Variants in ZNF362 observed in about 807,000 individuals in gnomAD.
ZNF362 encodes the protein rotund homolog.
ZNF362 carries 11 observed loss-of-function variants against 42.9 expected under a neutral mutation model. The observed-to-expected ratio is 0.26, with a 90% CI of 0.16 to 0.42. The LOEUF (loss-of-function observed/expected upper bound fraction) is 0.42. Ranked by LOEUF, ZNF362 falls within the 20% of genes least tolerant of loss-of-function variation. ZNF362 has a pLI of 1.00. For synonymous variants in ZNF362, 255 were observed against 257.3 expected, an observed-to-expected ratio of 0.99 and a Z score of 0.09; for missense variants, 362 against 576.2, an observed-to-expected ratio of 0.63 and a Z score of 3.81.
At chr1:33,148,148 A>G in the ZNF362 span, among the ~76,000 whole-genome samples, 1 of 152,162 alleles carries the variant, frequency 6.6e-6, no homozygotes. Flanking sequence ...TTGTCTTAAC[A>G]ACAGCTGGGA....
chr1:33,136,174 C>CCTTCCTTCCTTT, the ZNF362 span, among the ~76,000 whole-genome samples: 1 of 148,396 alleles, frequency 6.7e-6, no homozygotes, highest in Non-Finnish European at 1.5e-5. Context: ...TTCCTTCCTT[C>CCTTCCTTCCTTT]CCTCCCTCTC....
At chr1:33,158,987 C>T in the ZNF362 span, among the ~76,000 whole-genome samples, 2 of 152,140 alleles carry the variant, frequency 1.3e-5, no homozygotes, top group East Asian at 3.9e-4. Flanking sequence ...ACTACAGGTG[C>T]CTGCCACCAC....
chr1:33,269,610 C>T (rs550423612), intron 1 of ZNF362, among the ~76,000 whole-genome samples: 15 of 152,278 alleles, frequency 9.9e-5, no homozygotes, highest in African/African-American at 3.1e-4. Context: ...GATCATGGCT[C>T]ACTGCAGCCT....
chr1:33,235,359 C>G, the ZNF362 span, among the ~76,000 whole-genome samples: 7 of 152,090 alleles, frequency 4.6e-5, no homozygotes, highest in Non-Finnish European at 1.0e-4. Context: ...CTCTTCCTCA[C>G]GATGCCTGTA....
chr1:33,212,615 G>C, the ZNF362 span, among the ~76,000 whole-genome samples: 2 of 152,162 alleles, frequency 1.3e-5, no homozygotes, highest in Non-Finnish European at 2.9e-5. Context: ...CAAAGGGGAA[G>C]CTGGCCTATC....
At chr1:33,298,576 TG>T (rs1646141263) in intron 8 of ZNF362, among the ~76,000 whole-genome samples, 1 of 152,204 alleles carries the variant, frequency 6.6e-6, no homozygotes, top group African/African-American at 2.4e-5. Context: ...GCTGCCTCAC[TG>T]TCACTGGGAT....
the ZNF362 span, chr1:33,165,783 ACCT>A: frequency 2.3e-5 from 9 of 397,716 alleles, no homozygotes; most frequent in South Asian, 6.8e-5. The surrounding 1 kb of genome is among the most constrained non-coding windows in gnomAD (Gnocchi z 4.0). Flanking sequence ...CTTTGCAACA[ACCT>A]CCTCCTCTTT....
chr1:33,286,542 T>C (rs1480821120), intron 6 of ZNF362, among the ~76,000 whole-genome samples: 4 of 152,126 alleles, frequency 2.6e-5, no homozygotes, highest in Non-Finnish European at 4.4e-5. Flanking sequence ...GAGTTCATAA[T>C]GGCAGGAAAC....
At chr1:33,153,354 C>G in the ZNF362 span, among the ~76,000 whole-genome samples, 25 of 152,196 alleles carry the variant, frequency 1.6e-4, no homozygotes, top group Admixed American at 2.6e-4. Context: ...TCTGTTCCTC[C>G]CTCAGCTCCT....
In ZNF362 at chr1:33,276,533, A is replaced by G. The variant is rs113249490; in HGVS notation, c.288A>G (p.Pro96=). 632 of 1,530,030 alleles carry G rather than the reference A, an allele frequency of 4.1e-4. 5 individuals carry two copies. In the African/African-American group the frequency reaches 7.3e-3, roughly 18 times the overall value. The allele number at this position is 1,530,030 out of a possible 1,614,324, so 94.8% of individuals were successfully genotyped here. The change falls in exon 4 of 9, where the codon CCA becomes CCG. Residue 96 remains proline, a synonymous_variant. Transcript: ENST00000539719. ...TGCAGCAGGTGCCGGGGCTGCATCC[A>G]CAGGCGGTGCCGCAGCCCGACGTGG... ...PKLQQVPGLH[P]QAVPQPDVAL...
At chr1:33,213,704 G>C in the ZNF362 span, among the ~76,000 whole-genome samples, 34 of 152,044 alleles carry the variant, frequency 2.2e-4, 1 homozygote, top group Non-Finnish European at 7.4e-5. Flanking sequence ...AATTAACTGG[G>C]CGTGGTGGCA....
chr1:33,287,056 A>G (rs2148122322), intron 6 of ZNF362, among the ~76,000 whole-genome samples: 1 of 152,356 alleles, frequency 6.6e-6, no homozygotes, highest in Non-Finnish European at 1.5e-5. Flanking sequence ...GGAAGGCACA[A>G]GCAAAGTGAG....
chr1:33,276,207 G>T, intron 3 of ZNF362, 44 bp downstream of exon 3: 2 of 1,607,880 alleles, frequency 1.2e-6, no homozygotes, highest in Non-Finnish European at 1.7e-6. Context: ...CCTCCTTGGC[G>T]CTGCTTCGCT....
chr1:33,263,752 T>G (rs1239964662), intron 1 of ZNF362, among the ~76,000 whole-genome samples: 1 of 152,116 alleles, frequency 6.6e-6, no homozygotes, highest in South Asian at 2.1e-4. Flanking sequence ...CTATGTTGAC[T>G]GATGATGGGG....
At chr1:33,152,506 G>A in the ZNF362 span, among the ~76,000 whole-genome samples, 84 of 151,322 alleles carry the variant, frequency 5.6e-4, no homozygotes, top group East Asian at 0.016. Context: ...GGCGGAGGTT[G>A]TGGTGAGCCA....
chr1:33,154,484 T>G, the ZNF362 span, among the ~76,000 whole-genome samples: 3 of 149,554 alleles, frequency 2.0e-5, no homozygotes, highest in Non-Finnish European at 4.5e-5. Flanking sequence ...TCTTTAGATC[T>G]TTTTTTTTTC....
At chr1:33,271,853 G>A (rs995362432) in intron 2 of ZNF362, among the ~76,000 whole-genome samples, 2 of 152,204 alleles carry the variant, frequency 1.3e-5, no homozygotes, top group African/African-American at 4.8e-5. Context: ...TGTGAGCTGG[G>A]GGTGACCAGA....
intron 4 of ZNF362, among the ~76,000 whole-genome samples, chr1:33,278,710 G>T (rs1645968899): frequency 6.6e-6 from 1 of 152,140 alleles, no homozygotes; most frequent in African/African-American, 2.4e-5. Flanking sequence ...TTGAGTGTGT[G>T]TTCTTTAAAA....
chr1:33,234,631 G>T, the ZNF362 span, among the ~76,000 whole-genome samples: 2 of 152,136 alleles, frequency 1.3e-5, no homozygotes, highest in Non-Finnish European at 2.9e-5. Context: ...CCCGTTGAGC[G>T]AGAGGAAGCA....
Sources: gnomAD v4.1 joint callset for allele counts (sites outside exome capture counted in the v4.1 genomes callset) on GRCh38, gnomAD v4.1.1 for gene constraint, Gnocchi (gnomAD v3.1) non-coding constraint, MANE v1.5 for transcripts, NCBI Gene and HGNC (gene_info 2026-07-23, HGNC 2026-07-21) for gene names.